Variants in RALYL observed in about 807,000 individuals in gnomAD.
RALYL encodes the protein RALY RNA binding protein like.
In RALYL, 29 loss-of-function variants were observed where a neutral mutation model predicts 35.1. That is an observed-to-expected ratio of 0.83 (90% CI 0.61 to 1.13). The LOEUF (loss-of-function observed/expected upper bound fraction) is 1.13. Ranked by LOEUF, RALYL falls within the 50% of genes most tolerant of loss-of-function variation. RALYL has a pLI of 0.00. For synonymous variants in RALYL, 120 were observed against 127.6 expected (o/e 0.94, Z 0.40); for missense variants, 359 against 360.4 (o/e 1.00, Z 0.03).
chr8:84,871,661 T>G (rs1171602965), intron 6 of RALYL, among the ~76,000 whole-genome samples: 2 of 152,184 alleles, frequency 1.3e-5, no homozygotes, highest in Non-Finnish European at 2.9e-5. Context: ...TTTTACCCTG[T>G]TCTACTTTCA....
At chr8:84,410,521 C>A (rs897162738) in intron 1 of RALYL, among the ~76,000 whole-genome samples, 56 of 151,898 alleles carry the variant, frequency 3.7e-4, no homozygotes, top group Admixed American at 1.4e-3. Flanking sequence ...CTTTTCTCTG[C>A]CTTATAATTT....
At chr8:84,826,632 A>G (rs1445930615) in intron 4 of RALYL, among the ~76,000 whole-genome samples, 3 of 152,062 alleles carry the variant, frequency 2.0e-5, no homozygotes, top group African/African-American at 7.2e-5. Context: ...TCAAATGTTG[A>G]CATTTGACAT....
At chr8:84,479,085 CAAAAAAAAAAAAAAAAAA>C (rs56799862) in intron 1 of RALYL, among the ~76,000 whole-genome samples, 21 of 21,828 alleles carry the variant, frequency 9.6e-4, no homozygotes, top group South Asian at 5.6e-3. Flanking sequence ...GACTCCGTCT[CAAAAAAAAAAAAAAAAAA>C]AAAAAAAAAA....
chr8:84,280,463 A>G (rs1342136116), intron 1 of RALYL, among the ~76,000 whole-genome samples: 1 of 152,100 alleles, frequency 6.6e-6, no homozygotes, highest in Admixed American at 6.6e-5. Context: ...ACCAATTTTT[A>G]TTTTATTTAC....
chr8:84,214,096 T>A (rs1028750341), intron 1 of RALYL, among the ~76,000 whole-genome samples: 30 of 152,168 alleles, frequency 2.0e-4, no homozygotes, highest in African/African-American at 7.0e-4. Context: ...TGCCACAACC[T>A]GTATCTAGTA....
At chr8:84,523,390 G>T (rs1261709125) in intron 1 of RALYL, among the ~76,000 whole-genome samples, 1 of 151,956 alleles carries the variant, frequency 6.6e-6, no homozygotes, top group African/African-American at 2.4e-5. Context: ...CCTCCCACTG[G>T]GTCCCTCCCA....
intron 2 of RALYL, among the ~76,000 whole-genome samples, chr8:84,747,354 T>A (rs1185591184): frequency 1.3e-5 from 2 of 151,938 alleles, no homozygotes; most frequent in African/African-American, 2.4e-5. Context: ...CATGATTTTT[T>A]AAAACCAATT....
intron 5 of RALYL, among the ~76,000 whole-genome samples, chr8:84,856,564 A>C (rs1837021025): frequency 6.6e-6 from 1 of 152,198 alleles, no homozygotes; most frequent in Non-Finnish European, 1.5e-5. Flanking sequence ...AAAAAAGATC[A>C]ATGGAATTTA....
At chr8:84,814,230 G>GAGTC (rs1826626670) in intron 4 of RALYL, among the ~76,000 whole-genome samples, 1 of 151,900 alleles carries the variant, frequency 6.6e-6, no homozygotes, top group Non-Finnish European at 1.5e-5. Flanking sequence ...ATGTTCTAAA[G>GAGTC]AGTCAATCAG....
At chr8:84,309,048 TA>T in intron 1 of RALYL, among the ~76,000 whole-genome samples, 1 of 151,772 alleles carries the variant, frequency 6.6e-6, no homozygotes, top group East Asian at 1.9e-4. Context: ...GCAATTATAC[TA>T]AATTTGCATG....
chr8:84,372,886 G>GTTTTTTTTTTTTTTTTTTTT lies in RALYL; in HGVS notation c.-23-156403_-23-156384dup, dbSNP rs76885544. Among the ~76,000 whole-genome samples, 38 of 39,074 alleles carry GTTTTTTTTTTTTTTTTTTTT rather than the reference G, an allele frequency of 9.7e-4. 3 individuals carry two copies. Among genetic ancestry groups the GTTTTTTTTTTTTTTTTTTTT allele is most frequent in the African/African-American group, 2.0e-3 (18 of 9,124 alleles). The allele number at this position is 39,074 out of a possible 152,430, so 25.6% of individuals were successfully genotyped here. On this transcript the variant is annotated intron_variant, in intron 1 of 8. Transcript: ENST00000521268. ...TTTCTCCACAACCATGCCAGCATCT[G>GTTTTTTTTTTTTTTTTTTTT]TTTTTTTTTTTTTTTTTTTTTTTTT...
intron 2 of RALYL, among the ~76,000 whole-genome samples, chr8:84,689,881 C>A (rs1331625012): frequency 6.6e-6 from 1 of 151,744 alleles, no homozygotes; most frequent in Non-Finnish European, 1.5e-5. Context: ...TTCAAAAAGA[C>A]AAAAGATAGC....
At chr8:84,193,158 A>C (rs1432857715) in intron 1 of RALYL, among the ~76,000 whole-genome samples, 1 of 151,826 alleles carries the variant, frequency 6.6e-6, no homozygotes, top group African/African-American at 2.4e-5. Flanking sequence ...ATATGGAGAC[A>C]AAAAAAATGA....
At chr8:84,228,888 G>A (rs983607515) in intron 1 of RALYL, among the ~76,000 whole-genome samples, 6 of 152,036 alleles carry the variant, frequency 3.9e-5, no homozygotes, top group East Asian at 3.9e-4. Context: ...AGAACAGTAC[G>A]GTGGAAACTG....
At chr8:84,202,906 A>C (rs939776054) in intron 1 of RALYL, among the ~76,000 whole-genome samples, 1 of 152,222 alleles carries the variant, frequency 6.6e-6, no homozygotes, top group African/African-American at 2.4e-5. Flanking sequence ...TTGAGTACAA[A>C]TAGTAACACA....
chr8:84,702,031 C>A (rs1254298423), intron 2 of RALYL, among the ~76,000 whole-genome samples: 1 of 152,024 alleles, frequency 6.6e-6, no homozygotes, highest in African/African-American at 2.4e-5. Flanking sequence ...ACTGAAGCAT[C>A]AAATAAGAAT....
intron 1 of RALYL, among the ~76,000 whole-genome samples, chr8:84,365,327 C>T (rs1330795199): frequency 6.6e-6 from 1 of 152,084 alleles, no homozygotes; most frequent in Non-Finnish European, 1.5e-5. Context: ...TCATTTCCAG[C>T]TAAACATGTT....
At chr8:84,695,298 C>T (rs1838907427) in intron 2 of RALYL, among the ~76,000 whole-genome samples, 1 of 151,650 alleles carries the variant, frequency 6.6e-6, no homozygotes, top group African/African-American at 2.4e-5. Flanking sequence ...TTATAATATC[C>T]TCTAAGACAT....
At chr8:84,500,097 T>C (rs2056500055) in intron 1 of RALYL, among the ~76,000 whole-genome samples, 1 of 152,100 alleles carries the variant, frequency 6.6e-6, no homozygotes, top group Admixed American at 6.6e-5. Context: ...TTTAGGCCTA[T>C]ATGACACCGT....
Sources: allele counts gnomAD v4.1 joint callset (sites outside exome capture counted in the v4.1 genomes callset), GRCh38; gene constraint gnomAD v4.1.1; transcripts MANE v1.5; gene names NCBI Gene and HGNC (gene_info 2026-07-23, HGNC 2026-07-21).